GOLGA6L1: variants seen among roughly 807,000 people sequenced by gnomAD.
The protein encoded by GOLGA6L1 is golgin A6 family like 1, also known as golgin subfamily A member 6-like protein 1.
In GOLGA6L1, 2 loss-of-function variants were observed where a neutral mutation model predicts 23.6. The ratio of observed to expected loss-of-function variants is 0.08; its 90% CI spans 0.03 to 0.27. The LOEUF is 0.27. Among genes scored for constraint, GOLGA6L1 ranks in the 10% least tolerant of loss-of-function variants. The pLI is 1.00. For missense variants in GOLGA6L1, 15 were observed against 172.9 expected (o/e 0.09, Z 5.12); for synonymous variants, 4 against 49.8 (o/e 0.08, Z 3.87).
Position 23,136,638 on chromosome 15 carries a change from G to GGGGATGGGTAGGGAGGTA in GOLGA6L1, c.93_94insTACCTCCCTACCCATCCC (p.Pro31_His32insTyrLeuProThrHisPro). The GGGGATGGGTAGGGAGGTA allele has an allele frequency of 3.7e-6, 1 of 267,908 alleles. No individual in the cohort carries two copies. Among genetic ancestry groups the GGGGATGGGTAGGGAGGTA allele is most frequent in the Non-Finnish European group, 6.0e-6 (1 of 166,944 alleles). 16.6% of individuals were successfully genotyped at this position (267,908 alleles called of 1,614,324 possible). On this transcript the variant is annotated inframe_insertion, in exon 1 of 9. Transcript: ENST00000614055. ...GGGAGGTGGGGATGGGTAGGGAGGT[G>GGGGATGGGTAGGGAGGTA]GGGATGGGTAGGGAGGTGGGGATGG...
chr15:23,131,730 AC>A, intron 6 of GOLGA6L1, 71 bp downstream of exon 6: 2 of 103,932 alleles, frequency 1.9e-5, no homozygotes, highest in Non-Finnish European at 3.1e-5. Context: ...ACTCACCTGG[AC>A]CCCCCACCTC....
At position 23,129,759 on chromosome 15, in the gene GOLGA6L1, T is replaced by G. The variant is rs1328108986; in HGVS notation, c.1694A>C (p.Lys565Thr). 2 of 722,998 alleles carry G rather than the reference T, an allele frequency of 2.8e-6. No homozygotes were observed. The highest frequency in any genetic ancestry group is 2.3e-6 in the Non-Finnish European group (1 of 440,360). 44.8% of individuals were successfully genotyped at this position (722,998 alleles called of 1,614,324 possible). Residue 565 changes from lysine (K) to threonine (T), a missense_variant, in exon 8 of 9, where the codon AAG becomes ACG. By Grantham distance (78) the Lys-to-Thr change is moderately conservative. This residue lies in a region of GOLGA6L1 where 15 missense variants were observed against 120.2 expected (regional missense o/e 0.12). Transcript: ENST00000614055. ...EQEEKMQEQE[K>T]MRRQEEKIRE... is the part of the protein sequence containing the mutation. ...TATCTTCTCCTCCTGCCTCCGCATC[T>G]TCTCCTGTTCTTGCATCTTCTCTTC...
chr15:23,136,591 G>T lies in GOLGA6L1; in HGVS notation c.141C>A (p.Thr47=), dbSNP rs1465010000. The change falls in exon 1 of 9, where the codon ACC becomes ACA. Residue 47 remains threonine (T), a synonymous_variant. Transcript: ENST00000614055. ...PHLPTHPHLP[T]HPMMSKETRQ... ...TGGTTTCTTTGGACATCATAGGATG[G>T]GTAGGGAGGTGGGGATGGGTAGGGA... is the stretch of plus-strand genomic sequence containing the variant. The T allele has an allele frequency of 4.5e-5, 11 of 246,928 alleles. No individual in the cohort carries two copies. The highest frequency in any genetic ancestry group is 8.7e-4 in the Middle Eastern group (1 of 1,152). 15.3% of individuals were successfully genotyped at this position (246,928 alleles called of 1,614,324 possible). A position where few individuals can be genotyped will look rare whatever the true frequency, so the allele number is the denominator to read the frequency against.
rs2068173330 is a variant in GOLGA6L1, at chr15:23,127,738, CA to C, written c.*1051del. Among the ~76,000 whole-genome samples the C allele has an allele frequency of 1.5e-5, 2 of 136,174 alleles. No individual in the cohort carries two copies. Among genetic ancestry groups the C allele is most frequent in the African/African-American group, 5.3e-5 (2 of 37,926 alleles). 89.3% of individuals were successfully genotyped at this position (136,174 alleles called of 152,430 possible). ...GCGCAAGACTCCATCTCAACAACAA[CA>C]AAAAAAGGACAGATGAAGGTTTTCA... is the stretch of plus-strand genomic sequence containing the variant. On this transcript the variant is annotated 3_prime_UTR_variant, in exon 9 of 9. Coordinates refer to ENST00000614055, the MANE Select transcript of GOLGA6L1 (RefSeq NM_001001413.3).
rs1406966612 is a variant in GOLGA6L1 at position 23,129,840 on chromosome 15, T to A, written c.1613A>T (p.Lys538Met). ...CATCATCTCCTCCTGCTCTCGTATC[T>A]TCTCCTCCTGCTCCCGTATCTTCTC... Reference protein sequence around the residue: ...QEEKIREQEEKIREQEEMMQE... With the variant: ...QEEKIREQEEMIREQEEMMQE... The change falls in exon 8 of 9, where the codon AAG (lysine) becomes ATG (methionine). Residue 538 changes from lysine (K) to methionine (M), a missense_variant. By Grantham distance (95) the Lys-to-Met change is moderately conservative. This residue lies in a region of GOLGA6L1 where 15 missense variants were observed against 120.2 expected (regional missense o/e 0.12). Coordinates refer to ENST00000614055, the MANE Select transcript of GOLGA6L1 (RefSeq NM_001001413.3). 1 of 1,474,192 alleles carries A rather than the reference T, an allele frequency of 6.8e-7. No individual in the cohort carries two copies. The highest frequency in any genetic ancestry group is 9.2e-7 in the Non-Finnish European group (1 of 1,085,540). The allele number at this position is 1,474,192 out of a possible 1,614,324, so 91.3% of individuals were successfully genotyped here.
At chr15:23,131,127 C>G (rs2068223690) in intron 7 of GOLGA6L1, among the ~76,000 whole-genome samples, 1 of 110,364 alleles carries the variant, frequency 9.1e-6, no homozygotes, top group African/African-American at 3.2e-5. Flanking sequence ...ATTTTTAAGC[C>G]CTAACTCTTG....
Position 23,129,771 on chromosome 15 carries a change from T to C in GOLGA6L1, c.1682A>G (p.Gln561Arg), listed in dbSNP as rs772429611. 1.0e-3 allele frequency: 714 copies of C among 690,652 alleles called. 1 individual carries two copies. In the African/African-American group the frequency reaches 0.012, roughly 12 times the overall value. The allele number at this position is 690,652 out of a possible 1,614,324, so 42.8% of individuals were successfully genotyped here. The change falls in exon 8 of 9, where the codon CAA becomes CGA. Residue 561 changes from glutamine (Q) to arginine (R), a missense_variant. Around this residue, in one of 2 missense-constraint regions of GOLGA6L1, gnomAD observed 15 missense variants for 120.2 expected, o/e 0.12. Transcript: ENST00000614055. ...EKMGEQEEKM[Q>R]EQEKMRRQEE... ...CTGCCTCCGCATCTTCTCCTGTTCTTGCATCTTCTCTTCCTGCTCCCCCAT... is the reference window on the plus strand; with the variant it reads ...CTGCCTCCGCATCTTCTCCTGTTCTCGCATCTTCTCTTCCTGCTCCCCCAT...
chr15:23,132,545 G>A lies in GOLGA6L1; in HGVS notation c.580-685C>T, dbSNP rs1438669729. ...AATCCTCACAACCTCCATAGGAGACGGTTACCATTATTACCTCTATTGTGT... is the reference window on the plus strand; with the variant it reads ...AATCCTCACAACCTCCATAGGAGACAGTTACCATTATTACCTCTATTGTGT... On this transcript the variant is annotated intron_variant, in intron 5 of 8. Coordinates refer to ENST00000614055, the MANE Select transcript of GOLGA6L1 (RefSeq NM_001001413.3). Among the ~76,000 whole-genome samples the A allele has an allele frequency of 1.3e-5, 2 of 149,684 alleles. 1 individual carries two copies. The highest frequency in any genetic ancestry group is 4.9e-5 in the African/African-American group (2 of 40,858).
chr15:23,132,559 C>A (rs1352995149), intron 5 of GOLGA6L1, among the ~76,000 whole-genome samples: 3 of 149,238 alleles, frequency 2.0e-5, no homozygotes, highest in African/African-American at 7.4e-5. Context: ...ACCATTATTA[C>A]CTCTATTGTG....
chr15:23,136,669 G>A lies in GOLGA6L1; in HGVS notation c.63C>T (p.Leu21=), dbSNP rs1404035660. ...GGGTAGGGAGGTGGGGATGGGTAGGGAGGTGGGGATGGGTAGGGAGGTGGG... is the reference window on the plus strand; with the variant it reads ...GGGTAGGGAGGTGGGGATGGGTAGGAAGGTGGGGATGGGTAGGGAGGTGGG... The part of the protein sequence containing the change: ...THPHLPTHPH[L]PTHPHLPTHP... Residue 21 remains leucine, a synonymous_variant, in exon 1 of 9, where the codon CTC becomes CTT. Coordinates refer to ENST00000614055, the MANE Select transcript of GOLGA6L1 (RefSeq NM_001001413.3). The A allele has an allele frequency of 1.9e-5, 5 of 267,904 alleles. No homozygotes were observed. The highest frequency in any genetic ancestry group is 3.0e-5 in the Non-Finnish European group (5 of 166,882). The allele number at this position is 267,904 out of a possible 1,614,324, so 16.6% of individuals were successfully genotyped here.
intron 5 of GOLGA6L1, among the ~76,000 whole-genome samples, chr15:23,132,435 ATT>A (rs1251152460): frequency 6.8e-6 from 1 of 147,744 alleles, no homozygotes; most frequent in African/African-American, 2.5e-5. Flanking sequence ...ATCAGATAAT[ATT>A]GTTATTGTTA....
At position 23,136,769 on chromosome 15, in the gene GOLGA6L1, C is replaced by T. The variant is rs2068262477; in HGVS notation, c.-38G>A. On this transcript the variant is annotated 5_prime_UTR_variant, in exon 1 of 9. Transcript: ENST00000614055. Reference sequence around the variant, plus strand: ...GACAAGTATATACCTCCAGTCACCTCTACGTCGCTGTGTGACTGAGCCAGA... The same window carrying T: ...GACAAGTATATACCTCCAGTCACCTTTACGTCGCTGTGTGACTGAGCCAGA... 7.2e-6 allele frequency: 1 copy of T among 138,678 alleles called. No homozygotes were observed. Among genetic ancestry groups the T allele is most frequent in the Non-Finnish European group, 1.1e-5 (1 of 87,164 alleles). The allele number at this position is 138,678 out of a possible 1,614,324, so 8.6% of individuals were successfully genotyped here. A position where few individuals can be genotyped will look rare whatever the true frequency, so the allele number is the denominator to read the frequency against.
At chr15:23,132,710 ATCCTTTGTT>A (rs2068237710) in intron 5 of GOLGA6L1, among the ~76,000 whole-genome samples, 1 of 146,114 alleles carries the variant, frequency 6.8e-6, no homozygotes, top group Non-Finnish European at 1.5e-5. Flanking sequence ...GAGGAAATTA[ATCCTTTGTT>A]GAATTTTTGA....
At position 23,136,717 on chromosome 15, in the gene GOLGA6L1, G is replaced by GGTAGGGAGGGGGGGAT. The variant is rs2068261797; in HGVS notation, c.14_15insATCCCCCCCTCCCTAC (p.Gln6SerfsTer77). 1 of 213,418 alleles carries GGTAGGGAGGGGGGGAT rather than the reference G, an allele frequency of 4.7e-6. No individual in the cohort carries two copies. The highest frequency in any genetic ancestry group is 7.4e-6 in the Non-Finnish European group (1 of 134,750). The allele number at this position is 213,418 out of a possible 1,614,324, so 13.2% of individuals were successfully genotyped here. ...GGGGATGGGTAGGGAGGTGGGGTTG[G>GGTAGGGAGGGGGGGAT]GGCCACATCAGCATGATCCAGGTGA... On this transcript the variant is annotated frameshift_variant, in exon 1 of 9. Coordinates refer to ENST00000614055, the MANE Select transcript of GOLGA6L1 (RefSeq NM_001001413.3). LOFTEE classifies it high-confidence loss of function.
Position 23,130,270 on chromosome 15 carries a change from G to T in GOLGA6L1, c.1183C>A (p.Gln395Lys). ...TCCTCCTCCTGCCTCTTCTCTTCCT[G>T]CTCCCGTATCTTCTCCTGCTCGTGC... ...KMHEQEKIREQEEKRQEEEKI... is the reference protein window; with the variant it reads ...KMHEQEKIREKEEKRQEEEKI... The change falls in exon 8 of 9, where the codon CAG becomes AAG. Residue 395 changes from glutamine to lysine, a missense_variant. By Grantham distance (53) the Gln-to-Lys change is moderately conservative (BLOSUM62 1). Around this residue, in one of 2 missense-constraint regions of GOLGA6L1, gnomAD observed 15 missense variants for 120.2 expected, o/e 0.12. Coordinates refer to ENST00000614055, the MANE Select transcript of GOLGA6L1 (RefSeq NM_001001413.3). The T allele has an allele frequency of 2.8e-6, 1 of 354,002 alleles. No individual in the cohort carries two copies. The highest frequency in any genetic ancestry group is 4.7e-5 in the East Asian group (1 of 21,366). 21.9% of individuals were successfully genotyped at this position (354,002 alleles called of 1,614,324 possible).
At position 23,129,888 on chromosome 15, in the gene GOLGA6L1, T is replaced by C. The variant is rs1279009934; in HGVS notation, c.1565A>G (p.Glu522Gly). The C allele has an allele frequency of 1.5e-6, 2 of 1,356,424 alleles. No individual in the cohort carries two copies. Among genetic ancestry groups the C allele is most frequent in the East Asian group, 5.4e-5 (2 of 37,180 alleles). 84.0% of individuals were successfully genotyped at this position (1,356,424 alleles called of 1,614,324 possible). The part of the protein sequence containing the change: ...REQEEKMWRQ[E>G]EKIREQEEKI... Reference sequence around the variant, plus strand: ...CTCCTCCTGCTCCCTTATCTTCTCCTCCTGCCTCCACATCTTCTCCTCCTG... The same window carrying C: ...CTCCTCCTGCTCCCTTATCTTCTCCCCCTGCCTCCACATCTTCTCCTCCTG... Residue 522 changes from glutamate to glycine, a missense_variant, in exon 8 of 9, where the codon GAG becomes GGG. Physicochemically the swap from Glu to Gly is moderately conservative, Grantham distance 98. This residue lies in a region of GOLGA6L1 where 15 missense variants were observed against 120.2 expected (regional missense o/e 0.12). Coordinates refer to ENST00000614055, the MANE Select transcript of GOLGA6L1 (RefSeq NM_001001413.3).
intron 5 of GOLGA6L1, among the ~76,000 whole-genome samples, chr15:23,132,649 C>A (rs2068236784): frequency 6.8e-6 from 1 of 147,302 alleles, no homozygotes; most frequent in African/African-American, 2.5e-5. Flanking sequence ...CCAGGTATAT[C>A]TGATTCTCTA....
intron 8 of GOLGA6L1, 49 bp downstream of exon 8, chr15:23,129,420 GC>G (rs1333073525): frequency 2.6e-6 from 2 of 765,026 alleles, no homozygotes; most frequent in East Asian, 5.5e-5. Context: ...CAAGAGCTCG[GC>G]CTTCTGCCCC....
At position 23,129,943 on chromosome 15, in the gene GOLGA6L1, T is replaced by G; in HGVS notation, c.1510A>C (p.Met504Leu). 1 of 685,104 alleles carries G rather than the reference T, an allele frequency of 1.5e-6. No homozygotes were observed. The highest frequency in any genetic ancestry group is 2.5e-6 in the Non-Finnish European group (1 of 407,970). 42.4% of individuals were successfully genotyped at this position (685,104 alleles called of 1,614,324 possible). A position where few individuals can be genotyped will look rare whatever the true frequency, so the allele number is the denominator to read the frequency against. ...CGTATCTTCTCCTCCTGGTCGTGCA[T>G]CTTCTCCTCCTGCCTCCACACCTTC... ...EEKVWRQEEK[M>L]HDQEEKIREQ... Residue 504 changes from methionine (M) to leucine (L), a missense_variant, in exon 8 of 9, where the codon ATG (methionine) becomes CTG (leucine). Physicochemically the swap from Met to Leu is conservative, Grantham distance 15. Coordinates refer to ENST00000614055, the MANE Select transcript of GOLGA6L1 (RefSeq NM_001001413.3).
Sources: gnomAD v4.1 joint callset for allele counts (sites outside exome capture counted in the v4.1 genomes callset) on GRCh38, gnomAD v4.1.1 for gene constraint, gnomAD v4.1.1 regional missense constraint, MANE v1.5 for transcripts, NCBI Gene and HGNC (gene_info 2026-07-23, HGNC 2026-07-21) for gene names.